The following ATRNL1 variants were observed in gnomAD, a reference collection of about 807,000 sequenced individuals.
ATRNL1 encodes the protein attractin like 1, also known as attractin-like protein 1.
ATRNL1 carries 95 observed loss-of-function variants against 182.7 expected under a neutral mutation model. That is an observed-to-expected ratio of 0.52 (90% CI 0.44 to 0.62). ATRNL1 has a LOEUF of 0.62. Among genes scored for constraint, ATRNL1 ranks in the 20% least tolerant of loss-of-function variants. The pLI is 0.00. For missense variants in ATRNL1, 1,471 were observed against 1,679.5 expected, an observed-to-expected ratio of 0.88 and a Z score of 2.17; for synonymous variants, 576 against 568.3, an observed-to-expected ratio of 1.01 and a Z score of -0.19.
chr10:115,211,559 T>C (rs1554894993), intron 8 of ATRNL1, among the ~76,000 whole-genome samples: 3 of 152,034 alleles, frequency 2.0e-5, no homozygotes, highest in Non-Finnish European at 4.4e-5. Context: ...ACTTAGTTTC[T>C]TGAATCTGTA....
In ATRNL1 at chr10:115,447,197, A is replaced by G. The variant is rs369852435; in HGVS notation, c.3323-14744A>G. Among the ~76,000 whole-genome samples the G allele has an allele frequency of 9.9e-5, 15 of 151,928 alleles. No homozygotes were observed. The East Asian group carries it at 2.5e-3, about 25-fold the overall frequency. On this transcript the variant is annotated intron_variant, in intron 21 of 28. Coordinates refer to ENST00000355044, the MANE Select transcript of ATRNL1 (RefSeq NM_207303.4). ...ATACTTCTATTCATGTAGTATATAT[A>G]TTTCATAGTATATAGAATATACTTA...
chr10:115,376,525 A>T (rs1242316669), intron 19 of ATRNL1, among the ~76,000 whole-genome samples: 1 of 151,820 alleles, frequency 6.6e-6, no homozygotes, highest in Non-Finnish European at 1.5e-5. Flanking sequence ...CATCCAGTTA[A>T]TTTTTTTAGT....
chr10:115,840,475 A>G (rs1449191898), intron 27 of ATRNL1, among the ~76,000 whole-genome samples: 3 of 152,150 alleles, frequency 2.0e-5, no homozygotes, highest in Non-Finnish European at 4.4e-5. Flanking sequence ...TACTTCATGT[A>G]TATATATTAC....
chr10:115,906,440 A>G (rs548707794), intron 28 of ATRNL1, among the ~76,000 whole-genome samples: 1 of 152,216 alleles, frequency 6.6e-6, no homozygotes, highest in African/African-American at 2.4e-5. Flanking sequence ...CAGTAAGAAA[A>G]TCTTAAAAGG....
intron 26 of ATRNL1, among the ~76,000 whole-genome samples, chr10:115,716,286 A>G (rs7904246): frequency 0.37 from 56,832 of 151,996 alleles, 11,487 homozygotes; most frequent in East Asian, 0.59. Flanking sequence ...TGAACTGAAA[A>G]TGACTCCATT....
rs1899725 is a variant in ATRNL1 at position 115,220,875 on chromosome 10, A to G, written c.1532+4995A>G. On this transcript the variant is annotated intron_variant, in intron 9 of 28. Coordinates refer to ENST00000355044, the MANE Select transcript of ATRNL1 (RefSeq NM_207303.4). ...GCCTGCTACCAGATGCAGCTTAATT[A>G]TCACTTGCCACTCACTCACTGATAG... Among the ~76,000 whole-genome samples, 1,154 of 152,240 alleles carry G rather than the reference A, an allele frequency of 7.6e-3. 13 individuals carry two copies. The highest frequency in any genetic ancestry group is 0.026 in the African/African-American group (1,083 of 41,530).
At chr10:115,927,693 CAG>C (rs1953276238) in intron 28 of ATRNL1, among the ~76,000 whole-genome samples, 2 of 152,064 alleles carry the variant, frequency 1.3e-5, no homozygotes, top group Non-Finnish European at 2.9e-5. Context: ...AACCTTTTCA[CAG>C]AGATACAAAC....
chr10:115,393,722 G>A (rs921145986), intron 19 of ATRNL1, among the ~76,000 whole-genome samples: 3 of 152,098 alleles, frequency 2.0e-5, no homozygotes, highest in African/African-American at 7.2e-5. Context: ...ACAATACTTT[G>A]TGGTGGCTGT....
chr10:115,868,819 A>ATTTTTTTTTTTTTTT (rs1555105343), intron 28 of ATRNL1, among the ~76,000 whole-genome samples: 5 of 98,282 alleles, frequency 5.1e-5, no homozygotes, highest in African/African-American at 7.2e-5. Context: ...GCAAGTCTTT[A>ATTTTTTTTTTTTTTT]TTCTTTTTTT....
At chr10:115,582,900 T>C (rs1555008209) in intron 26 of ATRNL1, among the ~76,000 whole-genome samples, 2 of 150,880 alleles carry the variant, frequency 1.3e-5, no homozygotes, top group East Asian at 4.0e-4. Flanking sequence ...AAGTCTTTAA[T>C]CCATCTTGAA....
At chr10:115,417,684 A>G (rs1384395027) in intron 20 of ATRNL1, among the ~76,000 whole-genome samples, 9 of 152,150 alleles carry the variant, frequency 5.9e-5, no homozygotes, top group Admixed American at 4.6e-4. Flanking sequence ...CCTGGGAGGC[A>G]TGATTGTCTG....
intron 24 of ATRNL1, among the ~76,000 whole-genome samples, chr10:115,472,666 A>T (rs1356102527): frequency 6.6e-6 from 1 of 151,128 alleles, no homozygotes; most frequent in Non-Finnish European, 1.5e-5. Context: ...AATGTATAGA[A>T]TTCAACTGAT....
At chr10:115,779,831 C>T (rs1949218555) in intron 27 of ATRNL1, among the ~76,000 whole-genome samples, 1 of 152,120 alleles carries the variant, frequency 6.6e-6, no homozygotes, top group African/African-American at 2.4e-5. Flanking sequence ...CCAATGTAGT[C>T]TATAAAACTA....
At chr10:115,504,146 A>G (rs538351760) in intron 24 of ATRNL1, among the ~76,000 whole-genome samples, 1 of 152,064 alleles carries the variant, frequency 6.6e-6, no homozygotes, top group South Asian at 2.1e-4. Flanking sequence ...ATCCCATTAC[A>G]TTTACCTAAT....
At chr10:115,804,999 G>A (rs960035131) in intron 27 of ATRNL1, among the ~76,000 whole-genome samples, 5 of 152,274 alleles carry the variant, frequency 3.3e-5, no homozygotes, top group Admixed American at 3.3e-4. Flanking sequence ...CTACATTTGT[G>A]TATTGAGTGG....
At chr10:115,330,672 C>CTTTTTTTTTTTTTTTTTTTTT (rs200104323) in intron 18 of ATRNL1, among the ~76,000 whole-genome samples, 2 of 101,412 alleles carry the variant, frequency 2.0e-5, no homozygotes, top group East Asian at 3.2e-4. Context: ...GTGTTATTTG[C>CTTTTTTTTTTTTTTTTTTTTT]TTTTTTTTTT....
rs188374303 is a variant in ATRNL1, at chr10:115,265,298, A to G, written c.1772+21A>G. ...AACGGGTAAAAGAAGCACATTTCCA[A>G]TTTTTAGAGGGTCACTTATATCAGT... On this transcript the variant is annotated intron_variant, in intron 11 of 28. Coordinates refer to ENST00000355044, the MANE Select transcript of ATRNL1 (RefSeq NM_207303.4). 4.7e-6 allele frequency: 7 copies of G among 1,487,824 alleles called. No homozygotes were observed. The East Asian group carries it at 1.1e-4, about 24-fold the overall frequency. The allele number at this position is 1,487,824 out of a possible 1,614,324, so 92.2% of individuals were successfully genotyped here.
chr10:115,789,979 G>C (rs1349563835), intron 27 of ATRNL1, among the ~76,000 whole-genome samples: 4 of 152,128 alleles, frequency 2.6e-5, no homozygotes, highest in African/African-American at 9.7e-5. Context: ...AATTATAGAA[G>C]AGACAAAGAA....
intron 8 of ATRNL1, among the ~76,000 whole-genome samples, chr10:115,200,205 AT>A (rs1381680564): frequency 3.3e-5 from 5 of 150,792 alleles, no homozygotes; most frequent in Non-Finnish European, 5.9e-5. Flanking sequence ...TTAAAAATGG[AT>A]TTTTTTTGTT....
Sources: gnomAD v4.1 joint callset for allele counts (sites outside exome capture counted in the v4.1 genomes callset) on GRCh38, gnomAD v4.1.1 for gene constraint, MANE v1.5 for transcripts, NCBI Gene and HGNC (gene_info 2026-07-23, HGNC 2026-07-21) for gene names.